The following ZNF697 variants were observed in gnomAD, a reference collection of about 807,000 sequenced individuals.
The protein encoded by ZNF697 is zinc finger protein 697.
In ZNF697, 23 loss-of-function variants were observed where a neutral mutation model predicts 32.4. The ratio of observed to expected loss-of-function variants is 0.71; its 90% CI spans 0.51 to 1.01. The LOEUF is 1.01. Ranked by LOEUF, ZNF697 falls within the 50% of genes least tolerant of loss-of-function variation. ZNF697 has a pLI of 0.00. For missense variants in ZNF697, 930 were observed against 794.0 expected, an observed-to-expected ratio of 1.17 and a Z score of -2.06; for synonymous variants, 418 against 337.2, an observed-to-expected ratio of 1.24 and a Z score of -2.62.
chr1:119,623,403 C>T lies in ZNF697; in HGVS notation c.940G>A (p.Glu314Lys). The T allele has an allele frequency of 2.6e-6, 4 of 1,518,560 alleles. No homozygotes were observed. Among genetic ancestry groups the T allele is most frequent in the East Asian group, 2.8e-5 (1 of 36,248 alleles). 94.1% of individuals were successfully genotyped at this position (1,518,560 alleles called of 1,614,324 possible). Residue 314 changes from glutamate (E) to lysine (K), a missense_variant, in exon 3 of 3, where the codon GAG (glutamate) becomes AAG (lysine). By Grantham distance (56) the Glu-to-Lys change is moderately conservative. Coordinates refer to ENST00000421812, the MANE Select transcript of ZNF697 (RefSeq NM_001080470.2). Reference protein sequence around the residue: ...LLKHRRLHTGEKPYPCPECGE... With the variant: ...LLKHRRLHTGKKPYPCPECGE... Reference sequence around the variant, plus strand: ...CACTCGGGGCACGGGTAGGGCTTCTCGCCCGTGTGCAGGCGCCGGTGCTTG... The same window carrying T: ...CACTCGGGGCACGGGTAGGGCTTCTTGCCCGTGTGCAGGCGCCGGTGCTTG...
At chr1:119,645,654 A>G (rs978285108) in intron 1 of ZNF697, among the ~76,000 whole-genome samples, 1 of 152,164 alleles carries the variant, frequency 6.6e-6, no homozygotes, top group African/African-American at 2.4e-5. Flanking sequence ...CCAGTAAAGG[A>G]GAGGGGTAGG....
chr1:119,646,907 CCAGACGCT>C (rs1296070135), intron 1 of ZNF697, among the ~76,000 whole-genome samples: 1 of 152,140 alleles, frequency 6.6e-6, no homozygotes, highest in Non-Finnish European at 1.5e-5. Flanking sequence ...ACCGCATTTA[CCAGACGCT>C]CAGTCTTGAG....
chr1:119,636,244 A>G (rs1319518929), intron 1 of ZNF697, among the ~76,000 whole-genome samples: 1 of 152,220 alleles, frequency 6.6e-6, no homozygotes, highest in Non-Finnish European at 1.5e-5. Context: ...GAGGGCCTTC[A>G]GAATCCGTGA....
rs1159795050 is a variant in ZNF697 at position 119,622,943 on chromosome 1, C to T, written c.1400G>A (p.Cys467Tyr). ...GCTGAAGCGCTTCTCGCACTGGCCA[C>T]AGCGGAAGGGCTTCTCGCCGGTGTG... is the stretch of plus-strand genomic sequence containing the variant. The part of the protein sequence containing the change: ...RVHTGEKPFR[C>Y]GQCEKRFSDF... The change falls in exon 3 of 3, where the codon TGT becomes TAT. Residue 467 changes from cysteine to tyrosine, a missense_variant. Physicochemically the swap from Cys to Tyr is radical, Grantham distance 194. Coordinates refer to ENST00000421812, the MANE Select transcript of ZNF697 (RefSeq NM_001080470.2). 1 of 1,605,926 alleles carries T rather than the reference C, an allele frequency of 6.2e-7. No homozygotes were observed. Among genetic ancestry groups the T allele is most frequent in the Admixed American group, 1.7e-5 (1 of 59,166 alleles).
rs1212555441 is a variant in ZNF697 at position 119,622,867 on chromosome 1, G to A, written c.1476C>T (p.Pro492=). The change falls in exon 3 of 3, where the codon CCC becomes CCT. Residue 492 remains proline (P), a synonymous_variant. Transcript: ENST00000421812. ...TCTTGCCGCACTCGATGCACGTGTA[G>A]GGCTTCTCGCCCGTGTGCGTGCGCT... ...QHQRTHTGEK[P]YTCIECGKSF... 2 of 1,610,376 alleles carry A rather than the reference G, an allele frequency of 1.2e-6. No homozygotes were observed. The highest frequency in any genetic ancestry group is 2.2e-5 in the East Asian group (1 of 44,718).
Position 119,623,721 on chromosome 1 carries a change from G to T in ZNF697, c.622C>A (p.Gln208Lys). The T allele has an allele frequency of 6.6e-7, 1 of 1,526,208 alleles. No homozygotes were observed. Among genetic ancestry groups the T allele is most frequent in the Non-Finnish European group, 8.8e-7 (1 of 1,137,164 alleles). The allele number at this position is 1,526,208 out of a possible 1,614,324, so 94.5% of individuals were successfully genotyped here. A position where few individuals can be genotyped will look rare whatever the true frequency, so the allele number is the denominator to read the frequency against. Residue 208 changes from glutamine (Q) to lysine (K), a missense_variant, in exon 3 of 3, where the codon CAG becomes AAG. By Grantham distance (53) the Gln-to-Lys change is moderately conservative. Coordinates refer to ENST00000421812, the MANE Select transcript of ZNF697 (RefSeq NM_001080470.2). ...GCCTCAGCCAGGCGGTGAATGCGCT[G>T]GTGCTGCAGGAAGGCGGCGCCAGGA... ...FSPGAAFLQHQRIHRLAEAAA... is the reference protein window; with the variant it reads ...FSPGAAFLQHKRIHRLAEAAA...
chr1:119,623,125 C>G lies in ZNF697; in HGVS notation c.1218G>C (p.Glu406Asp). The G allele has an allele frequency of 2.5e-6, 4 of 1,591,762 alleles. No individual in the cohort carries two copies. Among genetic ancestry groups the G allele is most frequent in the Non-Finnish European group, 3.4e-6 (4 of 1,169,420 alleles). Residue 406 changes from glutamate to aspartate, a missense_variant, in exon 3 of 3, where the codon GAG (glutamate) becomes GAC (aspartate). Transcript: ENST00000421812. The stretch of plus-strand genomic sequence containing the variant: ...CGCACTCGGAGCACATGTAGGGCTT[C>G]TCGCCCGTGTGCACGCGCTGGTGCT... ...LVKHQRVHTG[E>D]KPYMCSECGE...
intron 1 of ZNF697, among the ~76,000 whole-genome samples, chr1:119,637,659 T>C (rs1286443841): frequency 6.6e-6 from 1 of 152,212 alleles, no homozygotes; most frequent in Non-Finnish European, 1.5e-5. Context: ...CTCCTGATAA[T>C]TTTTTTCCTA....
chr1:119,631,541 C>G (rs1351721554), intron 1 of ZNF697, among the ~76,000 whole-genome samples: 1 of 152,232 alleles, frequency 6.6e-6, no homozygotes, highest in Non-Finnish European at 1.5e-5. Flanking sequence ...CTGGCAGCCC[C>G]GACCAGCAGG....
intron 1 of ZNF697, among the ~76,000 whole-genome samples, chr1:119,634,579 T>C (rs1648871335): frequency 6.6e-6 from 1 of 152,342 alleles, no homozygotes; most frequent in South Asian, 2.1e-4. Context: ...TTGAAATAAT[T>C]ACATACCTGT....
intron 1 of ZNF697, among the ~76,000 whole-genome samples, chr1:119,638,434 C>A (rs1648981232): frequency 6.6e-6 from 1 of 152,234 alleles, no homozygotes; most frequent in Non-Finnish European, 1.5e-5. Context: ...ATCTCACCAT[C>A]AACACTGTAA....
intron 1 of ZNF697, among the ~76,000 whole-genome samples, chr1:119,646,521 A>T (rs1259527189): frequency 1.3e-5 from 2 of 152,102 alleles, no homozygotes; most frequent in African/African-American, 4.8e-5. Flanking sequence ...GAAGCTAAGG[A>T]AGAAATGTTT....
At chr1:119,632,761 C>A (rs778625999) in intron 1 of ZNF697, among the ~76,000 whole-genome samples, 2 of 152,132 alleles carry the variant, frequency 1.3e-5, no homozygotes, top group Non-Finnish European at 2.9e-5. Context: ...TCCTAAGTGC[C>A]CTCAAAGTTA....
intron 1 of ZNF697, among the ~76,000 whole-genome samples, chr1:119,646,554 A>C (rs1464280547): frequency 6.6e-6 from 1 of 152,190 alleles, no homozygotes; most frequent in Non-Finnish European, 1.5e-5. Context: ...AAAGCCATTT[A>C]TATCAGGCTC....
intron 1 of ZNF697, among the ~76,000 whole-genome samples, chr1:119,633,538 G>T (rs1390169691): frequency 2.0e-5 from 3 of 152,222 alleles, no homozygotes; most frequent in African/African-American, 7.2e-5. Context: ...CTGAAGATCA[G>T]TCTGTTTGTT....
chr1:119,623,799 C>T lies in ZNF697; in HGVS notation c.544G>A (p.Ala182Thr). 1 of 1,547,442 alleles carries T rather than the reference C, an allele frequency of 6.5e-7. No individual in the cohort carries two copies. Among genetic ancestry groups the T allele is most frequent in the Non-Finnish European group, 8.7e-7 (1 of 1,146,232 alleles). Residue 182 changes from alanine to threonine, a missense_variant, in exon 3 of 3, where the codon GCC becomes ACC. Coordinates refer to ENST00000421812, the MANE Select transcript of ZNF697 (RefSeq NM_001080470.2). ...VDLGELDSLV[A>T]SIMDAPTICP... ...ATGGTGGGCGCGTCCATGATGCTGG[C>T]CACCAGGCTATCCAGCTCCCCGAGG... is the stretch of plus-strand genomic sequence containing the variant.
rs749314582 is a variant in ZNF697 at position 119,623,949 on chromosome 1, C to T, written c.394G>A (p.Glu132Lys). The T allele has an allele frequency of 9.8e-5, 157 of 1,600,312 alleles. No individual in the cohort carries two copies. Among genetic ancestry groups the T allele is most frequent in the Non-Finnish European group, 1.3e-4 (150 of 1,173,720 alleles). ...ESAGENRLEE[E>K]EEQPAPPVLP... ...ACGGGAGGGGCCGGCTGCTCCTCTT[C>T]CTCCTCCAGCCGGTTCTCCCCAGCA... Residue 132 changes from glutamate (E) to lysine (K), a missense_variant, in exon 3 of 3, where the codon GAA becomes AAA. Transcript: ENST00000421812.
At chr1:119,644,308 T>C (rs1182110275) in intron 1 of ZNF697, among the ~76,000 whole-genome samples, 1 of 152,248 alleles carries the variant, frequency 6.6e-6, no homozygotes, top group Non-Finnish European at 1.5e-5. Context: ...TTAGGGGTTC[T>C]GAACCTGGCC....
Position 119,623,620 on chromosome 1 carries a change from A to AC in ZNF697, c.722dup (p.Val242CysfsTer193). 3 of 609,982 alleles carry AC rather than the reference A, an allele frequency of 4.9e-6. No homozygotes were observed. Among genetic ancestry groups the AC allele is most frequent in the Non-Finnish European group, 5.0e-6 (2 of 396,294 alleles). 37.8% of individuals were successfully genotyped at this position (609,982 alleles called of 1,614,324 possible). ...GCCCGGCCCCGAAGCCCCCCGCCAC[A>AC]CCCACCCCCATCATGCCCACCATCG... On this transcript the variant is annotated frameshift_variant, in exon 3 of 3. Transcript: ENST00000421812. LOFTEE classifies it high-confidence loss of function.
Sources: allele counts gnomAD v4.1 joint callset (sites outside exome capture counted in the v4.1 genomes callset), GRCh38; gene constraint gnomAD v4.1.1; transcripts MANE v1.5; gene names NCBI Gene and HGNC (gene_info 2026-07-23, HGNC 2026-07-21).